Variants in RFTN1 observed in about 807,000 individuals in gnomAD.
The protein encoded by RFTN1 is raftlin.
In RFTN1, 26 loss-of-function variants were observed where a neutral mutation model predicts 46.5. The observed-to-expected ratio is 0.56, with a 90% CI of 0.41 to 0.78. The LOEUF (loss-of-function observed/expected upper bound fraction) is 0.78. RFTN1 is among the 30% of genes least tolerant of loss of function. RFTN1 has a pLI of 0.00. For synonymous variants in RFTN1, 261 were observed against 284.2 expected (o/e 0.92, Z 0.82); for missense variants, 693 against 718.7 (o/e 0.96, Z 0.41).
chr3:16,329,642 A>C lies in RFTN1; in HGVS notation c.1147-2766T>G, dbSNP rs2070102885. Reference sequence around the variant, plus strand: ...GGAGTCCTGAGGCTGCTTTATCCTGAGAATCCCTGCCCCCATCCCCGTATT... The same window carrying C: ...GGAGTCCTGAGGCTGCTTTATCCTGCGAATCCCTGCCCCCATCCCCGTATT... On this transcript the variant is annotated intron_variant, in intron 7 of 9. Transcript: ENST00000334133. The surrounding 1 kb of genome is among the most constrained non-coding windows in gnomAD (Gnocchi z 4.5). Among the ~76,000 whole-genome samples the C allele has an allele frequency of 6.6e-6, 1 of 152,172 alleles. No individual in the cohort carries two copies. The highest frequency in any genetic ancestry group is 2.4e-5 in the African/African-American group (1 of 41,434).
chr3:16,329,290 C>G lies in RFTN1; in HGVS notation c.1147-2414G>C, dbSNP rs1182963645. Reference sequence around the variant, plus strand: ...GTCTGTCCTTTATAAATTGCCTGATCTCAGGTATCCTGTTACAACAGCACA... The same window carrying G: ...GTCTGTCCTTTATAAATTGCCTGATGTCAGGTATCCTGTTACAACAGCACA... On this transcript the variant is annotated intron_variant, in intron 7 of 9. Transcript: ENST00000334133. This position sits in a 1 kb window ranked among gnomAD's most constrained non-coding sequence, Gnocchi z 4.5. 2.0e-5 allele frequency among the ~76,000 whole-genome samples: 3 copies of G among 152,160 alleles called. No individual in the cohort carries two copies. The highest frequency in any genetic ancestry group is 2.9e-5 in the Non-Finnish European group (2 of 68,036).
At position 16,320,015 on chromosome 3, in the gene RFTN1, C is replaced by A. The variant is rs2068864736; in HGVS notation, c.1333-2783G>T. 6.6e-6 allele frequency among the ~76,000 whole-genome samples: 1 copy of A among 152,194 alleles called. No individual in the cohort carries two copies. The highest frequency in any genetic ancestry group is 2.4e-5 in the African/African-American group (1 of 41,452). ...GCATCTGTGGCAGTTGGGTGTGTCA[C>A]CAAATCCAATTAGCCGCCCAATTCA... is the stretch of plus-strand genomic sequence containing the variant. On this transcript the variant is annotated intron_variant, in intron 9 of 9. Coordinates refer to ENST00000334133, the MANE Select transcript of RFTN1 (RefSeq NM_015150.2). This position sits in a 1 kb window ranked among gnomAD's most constrained non-coding sequence, Gnocchi z 4.5.
At chr3:16,476,945 G>A (rs1214017461) in intron 2 of RFTN1, among the ~76,000 whole-genome samples, 1 of 152,094 alleles carries the variant, frequency 6.6e-6, no homozygotes, top group Admixed American at 6.5e-5. Context: ...TAGTCATAAG[G>A]CGGATGACGA....
Position 16,504,967 on chromosome 3 carries a change from C to T in RFTN1, c.-9+8475G>A, listed in dbSNP as rs534630402. The stretch of plus-strand genomic sequence containing the variant: ...TCCAGGCCCAAAACCCCAGTATCAG[C>T]CTGCTCCCGCCACCATCCTCACCCT... On this transcript the variant is annotated intron_variant, in intron 1 of 9. Coordinates refer to ENST00000334133, the MANE Select transcript of RFTN1 (RefSeq NM_015150.2). This position sits in a 1 kb window ranked among gnomAD's most constrained non-coding sequence, Gnocchi z 4.4. Among the ~76,000 whole-genome samples the T allele has an allele frequency of 3.9e-5, 6 of 152,310 alleles. No homozygotes were observed. In the South Asian group the frequency reaches 1.2e-3, roughly 32 times the overall value.
chr3:16,330,832 AAT>A (rs1156896176), intron 7 of RFTN1, among the ~76,000 whole-genome samples: 3 of 152,230 alleles, frequency 2.0e-5, no homozygotes, highest in African/African-American at 7.2e-5. Flanking sequence ...TTTACTAAGA[AAT>A]ATGTTTGTCT....
chr3:16,368,844 C>T (rs146159610), intron 6 of RFTN1, among the ~76,000 whole-genome samples: 436 of 152,254 alleles, frequency 2.9e-3, no homozygotes, highest in Non-Finnish European at 4.7e-3. Context: ...GCTCAGTAGC[C>T]GCAGGCAGCC....
chr3:16,428,744 C>A lies in RFTN1; in HGVS notation c.332+5107G>T, dbSNP rs576138771. ...AATTCAACAGCTGAAAAATGGCCAG[C>A]ACCATGCATTTTTGTACTGCAGTTA... is the stretch of plus-strand genomic sequence containing the variant. On this transcript the variant is annotated intron_variant, in intron 3 of 9. Transcript: ENST00000334133. The surrounding 1 kb of genome is among the most constrained non-coding windows in gnomAD (Gnocchi z 4.7). Among the ~76,000 whole-genome samples, 4 of 152,294 alleles carry A rather than the reference C, an allele frequency of 2.6e-5. No individual in the cohort carries two copies. In the East Asian group the frequency reaches 7.7e-4, roughly 29 times the overall value.
rs535949037 is a variant in RFTN1, at chr3:16,316,875, C to T, written c.1690G>A (p.Gly564Arg). The change falls in exon 10 of 10, where the codon GGG (glycine) becomes AGG (arginine). Residue 564 changes from glycine (G) to arginine (R), a missense_variant. Physicochemically the swap from Gly to Arg is moderately radical, Grantham distance 125. Coordinates refer to ENST00000334133, the MANE Select transcript of RFTN1 (RefSeq NM_015150.2). This position sits in a 1 kb window ranked among gnomAD's most constrained non-coding sequence, Gnocchi z 4.5. ...HSNPGEDARD[G>R]DAEEVRELGT... ...AGCTCTCTGACTTCCTCAGCATCCCCGTCCCTGGCATCCTCTCCAGGATTG... is the reference window on the plus strand; with the variant it reads ...AGCTCTCTGACTTCCTCAGCATCCCTGTCCCTGGCATCCTCTCCAGGATTG... 9.9e-6 allele frequency: 16 copies of T among 1,614,200 alleles called. No homozygotes were observed. The highest frequency in any genetic ancestry group is 1.7e-4 in the Middle Eastern group (1 of 6,060).
In RFTN1 at chr3:16,485,448, G is replaced by GCAAGGACTCCATACATACAACAT. The variant is rs796886564; in HGVS notation, c.145+8254_145+8276dup. The stretch of plus-strand genomic sequence containing the variant: ...CAACAAGGACTCCATACATACAACA[G>GCAAGGACTCCATACATACAACAT]CAAGGACTCCATACATACAACATCA... On this transcript the variant is annotated intron_variant, in intron 2 of 9. Transcript: ENST00000334133. Among the ~76,000 whole-genome samples the GCAAGGACTCCATACATACAACAT allele has an allele frequency of 5.5e-3, 836 of 152,000 alleles. 11 individuals carry two copies. Among genetic ancestry groups the GCAAGGACTCCATACATACAACAT allele is most frequent in the African/African-American group, 0.018 (726 of 41,426 alleles).
intron 1 of RFTN1, among the ~76,000 whole-genome samples, chr3:16,502,547 A>C (rs1411381343): frequency 6.6e-6 from 1 of 152,190 alleles, no homozygotes; most frequent in African/African-American, 2.4e-5. Flanking sequence ...ATATGGTGGA[A>C]ATGAGTGTGA....
Position 16,383,611 on chromosome 3 carries a change from G to T in RFTN1, c.442-5509C>A, listed in dbSNP as rs773089055. Among the ~76,000 whole-genome samples, 5 of 152,168 alleles carry T rather than the reference G, an allele frequency of 3.3e-5. No individual in the cohort carries two copies. The highest frequency in any genetic ancestry group is 5.9e-5 in the Non-Finnish European group (4 of 68,032). ...GATTGTCTGTTTCTATGTCCAAAAT[G>T]AATACCATGTTGCTAATGATAAGTG... On this transcript the variant is annotated intron_variant, in intron 4 of 9. Coordinates refer to ENST00000334133, the MANE Select transcript of RFTN1 (RefSeq NM_015150.2). This position sits in a 1 kb window ranked among gnomAD's most constrained non-coding sequence, Gnocchi z 4.0.
At chr3:16,401,321 TAAAA>T (rs56312811) in intron 4 of RFTN1, among the ~76,000 whole-genome samples, 41,205 of 145,358 alleles carry the variant, frequency 0.28, 5,906 homozygotes, top group East Asian at 0.35. Context: ...GAAGCCGTGT[TAAAA>T]AAAAAAAAAA....
At chr3:16,472,737 T>C (rs948992194) in intron 2 of RFTN1, 3 of 152,240 alleles carry the variant, frequency 2.0e-5, no homozygotes, top group Non-Finnish European at 4.4e-5. Context: ...GAGGGCTTTG[T>C]CCCAACACAT....
At position 16,499,212 on chromosome 3, in the gene RFTN1, C is replaced by G. The variant is rs1296401387; in HGVS notation, c.-8-5335G>C. Among the ~76,000 whole-genome samples, 1 of 152,098 alleles carries G rather than the reference C, an allele frequency of 6.6e-6. No homozygotes were observed. Among genetic ancestry groups the G allele is most frequent in the Admixed American group, 6.5e-5 (1 of 15,278 alleles). The stretch of plus-strand genomic sequence containing the variant: ...AGTAGGATGGTTTTTAAATGTGGCT[C>G]CAAAATCCACTGACATTCCTCCTAT... On this transcript the variant is annotated intron_variant, in intron 1 of 9. Transcript: ENST00000334133. The surrounding 1 kb of genome is among the most constrained non-coding windows in gnomAD (Gnocchi z 4.9).
rs561077352 is a variant in RFTN1 at position 16,428,144 on chromosome 3, A to T, written c.332+5707T>A. ...AGAAAAATCCAAACAAAAGGGATAA[A>T]TGTTTACCACTTAAAACAGTGCCAG... On this transcript the variant is annotated intron_variant, in intron 3 of 9. Coordinates refer to ENST00000334133, the MANE Select transcript of RFTN1 (RefSeq NM_015150.2). This position sits in a 1 kb window ranked among gnomAD's most constrained non-coding sequence, Gnocchi z 4.7. Among the ~76,000 whole-genome samples, 21 of 152,336 alleles carry T rather than the reference A, an allele frequency of 1.4e-4. No individual in the cohort carries two copies. In the South Asian group the frequency reaches 4.1e-3, roughly 30 times the overall value.
At position 16,489,020 on chromosome 3, in the gene RFTN1, A is replaced by G. The variant is rs1432062194; in HGVS notation, c.145+4705T>C. On this transcript the variant is annotated intron_variant, in intron 2 of 9. Transcript: ENST00000334133. This position sits in a 1 kb window ranked among gnomAD's most constrained non-coding sequence, Gnocchi z 4.0. The stretch of plus-strand genomic sequence containing the variant: ...TAAAACAGAAAACACACCAAACAAC[A>G]TAAATCAATCTTAAATGAGTAAGTT... Among the ~76,000 whole-genome samples, 1 of 152,230 alleles carries G rather than the reference A, an allele frequency of 6.6e-6. No individual in the cohort carries two copies. The highest frequency in any genetic ancestry group is 1.5e-5 in the Non-Finnish European group (1 of 68,038).
intron 8 of RFTN1, among the ~76,000 whole-genome samples, chr3:16,325,993 G>A (rs2069650371): frequency 6.6e-6 from 1 of 152,214 alleles, no homozygotes; most frequent in East Asian, 1.9e-4. Context: ...TGAGGTTCTA[G>A]GCCCAGTTTC....
rs58709098 is a variant in RFTN1, at chr3:16,316,528, A to C, written c.*300T>G. ...CGAGGACAGGCACTGGATGGTCCAGACCCTCTGGCTGGAGGAGTGGTGGAG... is the reference window on the plus strand; with the variant it reads ...CGAGGACAGGCACTGGATGGTCCAGCCCCTCTGGCTGGAGGAGTGGTGGAG... On this transcript the variant is annotated 3_prime_UTR_variant, in exon 10 of 10. Transcript: ENST00000334133. This position sits in a 1 kb window ranked among gnomAD's most constrained non-coding sequence, Gnocchi z 4.5. The C allele has an allele frequency of 0.021, 9,161 of 437,558 alleles. 693 individuals carry two copies. Among genetic ancestry groups the C allele is most frequent in the African/African-American group, 0.17 (8,414 of 49,812 alleles). 27.1% of individuals were successfully genotyped at this position (437,558 alleles called of 1,614,324 possible). A position where few individuals can be genotyped will look rare whatever the true frequency, so the allele number is the denominator to read the frequency against.
chr3:16,358,956 G>A (rs190211946), intron 6 of RFTN1, among the ~76,000 whole-genome samples: 125 of 150,826 alleles, frequency 8.3e-4, no homozygotes, highest in African/African-American at 2.6e-3. Context: ...CGCTTGAACC[G>A]GGGAGGTGGA....
Sources: gnomAD v4.1 joint callset for allele counts (sites outside exome capture counted in the v4.1 genomes callset) on GRCh38, gnomAD v4.1.1 for gene constraint, Gnocchi (gnomAD v3.1) non-coding constraint, MANE v1.5 for transcripts, NCBI Gene and HGNC (gene_info 2026-07-23, HGNC 2026-07-21) for gene names.